Variants in PIK3AP1 observed in about 807,000 individuals in gnomAD.
PIK3AP1 encodes the protein phosphoinositide-3-kinase adaptor protein 1.
In PIK3AP1, 21 loss-of-function variants were observed where a neutral mutation model predicts 88.1. The observed-to-expected ratio is 0.24, with a 90% CI of 0.17 to 0.34. The LOEUF (loss-of-function observed/expected upper bound fraction) is 0.34. PIK3AP1 is among the 10% of genes least tolerant of loss of function. The pLI is 1.00. For synonymous variants in PIK3AP1, 398 were observed against 400.0 expected (o/e 1.00, Z 0.06); for missense variants, 828 against 1,035.7 (o/e 0.80, Z 2.75).
rs117205595 is a variant in PIK3AP1 at position 96,714,741 on chromosome 10, C to T, written c.14-4758G>A. Among the ~76,000 whole-genome samples, 9 of 152,220 alleles carry T rather than the reference C, an allele frequency of 5.9e-5. No homozygotes were observed. The East Asian group carries it at 1.7e-3, about 29-fold the overall frequency. ...CAAAGGAACACGAGTCAACTCAAAG[C>T]GCCCAGTGGCAAAAGCTGGAACCAT... is the stretch of plus-strand genomic sequence containing the variant. On this transcript the variant is annotated intron_variant, in intron 1 of 16. Transcript: ENST00000339364.
At chr10:96,624,333 G>C (rs997675994) in intron 10 of PIK3AP1, among the ~76,000 whole-genome samples, 1 of 152,166 alleles carries the variant, frequency 6.6e-6, no homozygotes, top group African/African-American at 2.4e-5. Context: ...CCAATAGTCA[G>C]CAATACCTTG....
In PIK3AP1 at chr10:96,595,607, A is replaced by C; in HGVS notation, c.2388T>G (p.Pro796=). 6.2e-7 allele frequency: 1 copy of C among 1,613,356 alleles called. No homozygotes were observed. Among genetic ancestry groups the C allele is most frequent in the Non-Finnish European group, 8.5e-7 (1 of 1,179,740 alleles). The change falls in exon 17 of 17, where the codon CCT becomes CCG. Residue 796 remains proline, a synonymous_variant. Coordinates refer to ENST00000339364, the MANE Select transcript of PIK3AP1 (RefSeq NM_152309.3). ...QRPPTRETFH[P]PPPVPPRGR ...GTCCTCTGGGTGGAACAGGTGGAGG[A>C]GGATGGAAGGTCTCCCTGGTCGGAG...
intron 6 of PIK3AP1, among the ~76,000 whole-genome samples, chr10:96,649,405 C>T (rs527424983): frequency 1.3e-5 from 2 of 152,316 alleles, no homozygotes; most frequent in South Asian, 4.1e-4. Flanking sequence ...TCTAACAGGA[C>T]TGGAGAATCC....
At chr10:96,613,568 C>T (rs1849163232) in intron 13 of PIK3AP1, among the ~76,000 whole-genome samples, 1 of 152,182 alleles carries the variant, frequency 6.6e-6, no homozygotes, top group Non-Finnish European at 1.5e-5. Flanking sequence ...AGAGGGTCTG[C>T]TTCTTGGAGA....
At chr10:96,685,839 C>G (rs1420811045) in intron 2 of PIK3AP1, among the ~76,000 whole-genome samples, 1 of 152,154 alleles carries the variant, frequency 6.6e-6, no homozygotes, top group African/African-American at 2.4e-5. Context: ...GTGTGCCCAT[C>G]CCTGCTGAGT....
chr10:96,663,377 C>T (rs1249828141), intron 2 of PIK3AP1, among the ~76,000 whole-genome samples: 1 of 151,886 alleles, frequency 6.6e-6, no homozygotes, highest in Admixed American at 6.6e-5. Context: ...TACCTGTAAT[C>T]CCAACACTTT....
At chr10:96,664,613 T>C (rs1843736704) in intron 2 of PIK3AP1, among the ~76,000 whole-genome samples, 1 of 152,168 alleles carries the variant, frequency 6.6e-6, no homozygotes, top group Non-Finnish European at 1.5e-5. Flanking sequence ...GAGCCCAGCT[T>C]GACACAAATG....
chr10:96,656,592 A>G (rs1165334229), intron 3 of PIK3AP1, among the ~76,000 whole-genome samples: 2 of 152,034 alleles, frequency 1.3e-5, no homozygotes, highest in African/African-American at 2.4e-5. Flanking sequence ...GATGACACAC[A>G]TCTCCCTGGG....
At chr10:96,714,471 T>G (rs543917282) in intron 1 of PIK3AP1, among the ~76,000 whole-genome samples, 18 of 152,262 alleles carry the variant, frequency 1.2e-4, no homozygotes, top group African/African-American at 3.9e-4. Flanking sequence ...TGCACCCAAT[T>G]TAAAAAGTCA....
chr10:96,702,801 T>C (rs1378005998), intron 2 of PIK3AP1, among the ~76,000 whole-genome samples: 1 of 152,242 alleles, frequency 6.6e-6, no homozygotes, highest in East Asian at 1.9e-4. Flanking sequence ...AAATATTAAT[T>C]AATTAATTAG....
chr10:96,647,805 C>T (rs1329483617), intron 7 of PIK3AP1, among the ~76,000 whole-genome samples: 1 of 152,152 alleles, frequency 6.6e-6, no homozygotes, highest in African/African-American at 2.4e-5. Flanking sequence ...ATGCGAGAGG[C>T]TGAGCTATTC....
At chr10:96,675,201 A>AT (rs1296087698) in intron 2 of PIK3AP1, among the ~76,000 whole-genome samples, 1 of 104,550 alleles carries the variant, frequency 9.6e-6, no homozygotes, top group Non-Finnish European at 1.7e-5. Flanking sequence ...CCATATAAGG[A>AT]TTTTGTCAGG....
chr10:96,666,374 G>A (rs1437366687), intron 2 of PIK3AP1, among the ~76,000 whole-genome samples: 3 of 152,014 alleles, frequency 2.0e-5, no homozygotes, highest in South Asian at 2.1e-4. Flanking sequence ...AGCCGAGATC[G>A]CACCATTGTA....
chr10:96,630,799 G>A (rs1482753293), intron 8 of PIK3AP1, among the ~76,000 whole-genome samples: 6 of 152,030 alleles, frequency 3.9e-5, no homozygotes, highest in African/African-American at 7.3e-5. Context: ...TTAGGATCAC[G>A]CCACCGCACT....
At chr10:96,611,221 C>T (rs190586534) in intron 13 of PIK3AP1, among the ~76,000 whole-genome samples, 6 of 152,312 alleles carry the variant, frequency 3.9e-5, no homozygotes, top group East Asian at 1.9e-4. Context: ...CTGGAGACTC[C>T]GGCTCCAGGT....
chr10:96,699,674 C>T (rs1168160742), intron 2 of PIK3AP1, among the ~76,000 whole-genome samples: 1 of 152,128 alleles, frequency 6.6e-6, no homozygotes, highest in Non-Finnish European at 1.5e-5. Flanking sequence ...GAACAGTTGG[C>T]TCTGATTTCT....
At chr10:96,700,447 A>G (rs1844282515) in intron 2 of PIK3AP1, among the ~76,000 whole-genome samples, 1 of 152,226 alleles carries the variant, frequency 6.6e-6, no homozygotes, top group African/African-American at 2.4e-5. Context: ...CAAGGCAGTT[A>G]GGGTATCAGG....
chr10:96,685,113 TATAA>T (rs1844051808), intron 2 of PIK3AP1, among the ~76,000 whole-genome samples: 1 of 152,224 alleles, frequency 6.6e-6, no homozygotes, highest in Non-Finnish European at 1.5e-5. Flanking sequence ...TTTTGAAAAA[TATAA>T]ATAAATATAT....
At chr10:96,646,344 T>A (rs1843460133) in intron 7 of PIK3AP1, among the ~76,000 whole-genome samples, 1 of 152,098 alleles carries the variant, frequency 6.6e-6, no homozygotes, top group African/African-American at 2.4e-5. Flanking sequence ...TCTCCTGTAA[T>A]CCATTCCACT....
Sources: allele counts gnomAD v4.1 joint callset (sites outside exome capture counted in the v4.1 genomes callset), GRCh38; gene constraint gnomAD v4.1.1; transcripts MANE v1.5; gene names NCBI Gene and HGNC (gene_info 2026-07-23, HGNC 2026-07-21).